The following ATE1 variants were observed in gnomAD, a reference collection of about 807,000 sequenced individuals.
The protein encoded by ATE1 is arginyltransferase 1.
A neutral mutation model predicts 70.5 loss-of-function variants in ATE1; 36 were observed. The ratio of observed to expected loss-of-function variants is 0.51; its 90% confidence interval spans 0.39 to 0.67. The LOEUF is 0.67. ATE1 is among the 30% of genes least tolerant of loss of function. The pLI is 0.00. For synonymous variants in ATE1, 232 were observed against 219.3 expected (o/e 1.06, Z -0.51); for missense variants, 593 against 629.5 (o/e 0.94, Z 0.62).
intron 8 of ATE1, among the ~76,000 whole-genome samples, chr10:121,863,387 G>A (rs377575865): frequency 4.0e-5 from 6 of 151,260 alleles, no homozygotes; most frequent in African/African-American, 1.2e-4. Context: ...CCGAGTAGCT[G>A]GGATTACAGG....
chr10:121,891,135 T>C (rs1320585087), intron 7 of ATE1, among the ~76,000 whole-genome samples: 1 of 152,126 alleles, frequency 6.6e-6, no homozygotes, highest in Admixed American at 6.5e-5. Context: ...GCTGAGAAAG[T>C]GGGTTGCCCA....
intron 3 of ATE1, among the ~76,000 whole-genome samples, chr10:121,917,813 G>A (rs1484761561): frequency 6.6e-6 from 1 of 152,082 alleles, no homozygotes; most frequent in Non-Finnish European, 1.5e-5. Flanking sequence ...ATTGCAACTT[G>A]ACATTTAATG....
At chr10:121,909,691 A>G (rs1214659442) in intron 5 of ATE1, among the ~76,000 whole-genome samples, 1 of 152,192 alleles carries the variant, frequency 6.6e-6, no homozygotes, top group Non-Finnish European at 1.5e-5. Context: ...AAAAATAATA[A>G]AAGAATTGAC....
Position 121,814,388 on chromosome 10 carries a change from A to G in ATE1, c.1257+22330T>C, listed in dbSNP as rs1406623655. On this transcript the variant is annotated intron_variant, in intron 10 of 11. Transcript: ENST00000224652. Reference sequence around the variant, plus strand: ...TTTCTAGCAAAATGATTCGCACACAATGTAAATCATCCTTGAGCAGTACTA... The same window carrying G: ...TTTCTAGCAAAATGATTCGCACACAGTGTAAATCATCCTTGAGCAGTACTA... Among the ~76,000 whole-genome samples the G allele has an allele frequency of 2.6e-5, 4 of 152,320 alleles. No homozygotes were observed. In the East Asian group the frequency reaches 7.7e-4, roughly 29 times the overall value.
At chr10:121,768,239 C>T (rs1245192780) in intron 11 of ATE1, among the ~76,000 whole-genome samples, 2 of 151,964 alleles carry the variant, frequency 1.3e-5, no homozygotes, top group East Asian at 1.9e-4. Flanking sequence ...GTTTGTTTTG[C>T]AAGATGGTAA....
chr10:121,882,429 T>C (rs928292714), intron 7 of ATE1, among the ~76,000 whole-genome samples: 1 of 152,206 alleles, frequency 6.6e-6, no homozygotes, highest in Non-Finnish European at 1.5e-5. Flanking sequence ...GTTTAGTCAA[T>C]GATTATTTGG....
Position 121,790,143 on chromosome 10 carries a change from C to T in ATE1, c.1378+26G>A, listed in dbSNP as rs1161273140. The T allele has an allele frequency of 3.1e-6, 5 of 1,613,248 alleles. No homozygotes were observed. In the South Asian group the frequency reaches 5.5e-5, roughly 18 times the overall value. On this transcript the variant is annotated intron_variant, in intron 11 of 11. Transcript: ENST00000224652. ...ATCATAAAAACAAAGCCAATGATTT[C>T]CAGCTGAGCTCAGCTCCAAACATAC... is the stretch of plus-strand genomic sequence containing the variant.
chr10:121,841,293 T>C, intron 8 of ATE1, 30 bp from the exon 9 acceptor site: 2 of 1,329,490 alleles, frequency 1.5e-6, no homozygotes, highest in Admixed American at 3.0e-5. Context: ...CAAACAGCCA[T>C]TTTTTTAATA....
intron 11 of ATE1, among the ~76,000 whole-genome samples, chr10:121,785,034 T>C (rs1946149507): frequency 6.6e-6 from 1 of 152,184 alleles, no homozygotes; most frequent in Non-Finnish European, 1.5e-5. Context: ...GTTTCCTTTA[T>C]AGCACATAAT....
chr10:121,740,712 C>T lies in ATE1; in HGVS notation c.*2968G>A, dbSNP rs2135612748. 1 of 152,230 alleles carries T rather than the reference C, an allele frequency of 6.6e-6. No individual in the cohort carries two copies. The highest frequency in any genetic ancestry group is 1.9e-4 in the East Asian group (1 of 5,192). The allele number at this position is 152,230 out of a possible 1,614,324, so 9.4% of individuals were successfully genotyped here. A position where few individuals can be genotyped will look rare whatever the true frequency, so the allele number is the denominator to read the frequency against. On this transcript the variant is annotated 3_prime_UTR_variant, in exon 12 of 12. Coordinates refer to ENST00000224652, the MANE Select transcript of ATE1 (RefSeq NM_001001976.3). Reference sequence around the variant, plus strand: ...TAATATAAAGCCTATAAAATCAAAGCATATACTGTTCAGAAATCTGGAAAG... The same window carrying T: ...TAATATAAAGCCTATAAAATCAAAGTATATACTGTTCAGAAATCTGGAAAG...
chr10:121,810,029 T>C (rs566703845), intron 10 of ATE1, among the ~76,000 whole-genome samples: 1 of 152,322 alleles, frequency 6.6e-6, no homozygotes, highest in African/African-American at 2.4e-5. Flanking sequence ...TGATGTCCAA[T>C]TAACCAGTAA....
intron 11 of ATE1, among the ~76,000 whole-genome samples, chr10:121,769,625 G>A (rs1564822544): frequency 1.3e-5 from 2 of 152,046 alleles, no homozygotes; most frequent in African/African-American, 2.4e-5. Flanking sequence ...AGCTACCAAA[G>A]GACACATATC....
chr10:121,847,837 C>T (rs373485493), intron 8 of ATE1, among the ~76,000 whole-genome samples: 14 of 149,934 alleles, frequency 9.3e-5, no homozygotes, highest in African/African-American at 1.2e-4. Flanking sequence ...TTTGGGAGGA[C>T]GAGGCGGGCA....
At chr10:121,837,858 C>A (rs950745414) in intron 9 of ATE1, among the ~76,000 whole-genome samples, 6 of 152,114 alleles carry the variant, frequency 3.9e-5, no homozygotes, top group Admixed American at 6.5e-5. Flanking sequence ...GTAAGACCAC[C>A]AATTCCGAGA....
At chr10:121,898,537 T>C (rs930462072) in intron 7 of ATE1, among the ~76,000 whole-genome samples, 22 of 152,216 alleles carry the variant, frequency 1.4e-4, no homozygotes, top group Non-Finnish European at 1.9e-4. Context: ...ACTCCTTTTG[T>C]TCTGTGGTGC....
At chr10:121,902,344 C>CAA in intron 6 of ATE1, 47 bp downstream of exon 6, 1 of 1,505,434 alleles carries the variant, frequency 6.6e-7, no homozygotes. Flanking sequence ...TATGCCCAAA[C>CAA]AAAAAAAAAT....
At chr10:121,801,296 A>G (rs557155917) in intron 10 of ATE1, among the ~76,000 whole-genome samples, 22 of 152,318 alleles carry the variant, frequency 1.4e-4, no homozygotes, top group African/African-American at 5.3e-4. Flanking sequence ...AAGCTTCTTT[A>G]AGACTGAGCT....
At chr10:121,797,548 G>T (rs904719908) in intron 10 of ATE1, among the ~76,000 whole-genome samples, 1 of 149,096 alleles carries the variant, frequency 6.7e-6, no homozygotes, top group African/African-American at 2.5e-5. Flanking sequence ...TTTAAAAATA[G>T]AATATTTCCT....
chr10:121,826,203 G>A (rs1948003674), intron 10 of ATE1, among the ~76,000 whole-genome samples: 1 of 152,318 alleles, frequency 6.6e-6, no homozygotes, highest in African/African-American at 2.4e-5. Flanking sequence ...ATGGAAGGTG[G>A]TGATGGTGCA....
Sources: gnomAD v4.1 joint callset for allele counts (sites outside exome capture counted in the v4.1 genomes callset) on GRCh38, gnomAD v4.1.1 for gene constraint, MANE v1.5 for transcripts, NCBI Gene and HGNC (gene_info 2026-07-23, HGNC 2026-07-21) for gene names.